Variants in CTDSPL observed in about 807,000 individuals in gnomAD.
CTDSPL encodes CTD small phosphatase-like protein.
Under a neutral mutation model 30.5 loss-of-function variants are expected in CTDSPL, and 8 were observed. The observed-to-expected ratio is 0.26, with a 90% CI of 0.15 to 0.47. The LOEUF (loss-of-function observed/expected upper bound fraction) is 0.47, where lower values mean the gene tolerates loss of function less well. CTDSPL is among the 20% of genes least tolerant of loss of function. The pLI is 0.99. For synonymous variants in CTDSPL, 110 were observed against 137.9 expected, an observed-to-expected ratio of 0.80 and a Z score of 1.42; for missense variants, 248 against 366.1, an observed-to-expected ratio of 0.68 and a Z score of 2.63.
At chr3:37,936,694 T>C (rs1698920281) in intron 1 of CTDSPL, among the ~76,000 whole-genome samples, 1 of 151,186 alleles carries the variant, frequency 6.6e-6, no homozygotes. Context: ...GTTTAGCTTA[T>C]TCCGTAATAA....
At chr3:37,933,017 G>A (rs180911606) in intron 1 of CTDSPL, among the ~76,000 whole-genome samples, 488 of 152,142 alleles carry the variant, frequency 3.2e-3, no homozygotes, top group Non-Finnish European at 5.9e-3. Context: ...GCCAGGCATG[G>A]TGGTGGGCAC....
At chr3:37,969,117 C>T (rs1699333454) in intron 5 of CTDSPL, among the ~76,000 whole-genome samples, 1 of 152,252 alleles carries the variant, frequency 6.6e-6, no homozygotes, top group Non-Finnish European at 1.5e-5. Flanking sequence ...GTTAAGGCTT[C>T]TGCATTTATC....
At chr3:37,946,787 G>A (rs1286599964) in intron 1 of CTDSPL, among the ~76,000 whole-genome samples, 1 of 152,182 alleles carries the variant, frequency 6.6e-6, no homozygotes, top group South Asian at 2.1e-4. Context: ...CAGTTAATAA[G>A]CAGGCAGCCC....
intron 1 of CTDSPL, among the ~76,000 whole-genome samples, chr3:37,880,830 T>C (rs973136192): frequency 2.0e-5 from 3 of 152,212 alleles, no homozygotes; most frequent in African/African-American, 7.2e-5. Context: ...GAGTTCTTAG[T>C]TGCAAACCAG....
chr3:37,939,126 C>G (rs1210432376), intron 1 of CTDSPL, among the ~76,000 whole-genome samples: 2 of 150,062 alleles, frequency 1.3e-5, no homozygotes. Flanking sequence ...TTGTGAGGAC[C>G]GTTGTCTGGA....
intron 1 of CTDSPL, among the ~76,000 whole-genome samples, chr3:37,938,689 T>TTC (rs397770070): frequency 6.8e-6 from 1 of 148,136 alleles, no homozygotes; most frequent in African/African-American, 2.5e-5. Flanking sequence ...GTTTTTTTTT[T>TTC]GTTTTTTTTG....
In CTDSPL at chr3:37,893,064, C is replaced by G. The variant is rs559350951; in HGVS notation, c.79+30786C>G. ...GAAAGGGAATTGGGACAAACATAGA[C>G]TGTTCCATTGTGCAGGCATGTGCCA... On this transcript the variant is annotated intron_variant, in intron 1 of 7. Transcript: ENST00000273179. Among the ~76,000 whole-genome samples the G allele has an allele frequency of 2.0e-5, 3 of 152,350 alleles. No homozygotes were observed. The South Asian group carries it at 6.2e-4, about 32-fold the overall frequency.
At chr3:37,880,081 A>G (rs900715300) in intron 1 of CTDSPL, among the ~76,000 whole-genome samples, 1 of 149,752 alleles carries the variant, frequency 6.7e-6, no homozygotes, top group Middle Eastern at 3.5e-3. Context: ...CATGGAAGCT[A>G]TCATGTTTTT....
At chr3:37,868,892 G>A (rs1270370422) in intron 1 of CTDSPL, among the ~76,000 whole-genome samples, 1 of 151,902 alleles carries the variant, frequency 6.6e-6, no homozygotes, top group Admixed American at 6.6e-5. Flanking sequence ...TTCTAGTTTT[G>A]TTGCCACATT....
intron 2 of CTDSPL, chr3:37,954,736 A>C (rs996887333): frequency 6.6e-5 from 10 of 152,280 alleles, no homozygotes; most frequent in African/African-American, 2.4e-4. Context: ...CATTGCCACC[A>C]TCACAGCCAC....
In CTDSPL at chr3:37,941,064, A is replaced by G. The variant is rs925366124; in HGVS notation, c.80-5993A>G. Among the ~76,000 whole-genome samples the G allele has an allele frequency of 5.3e-5, 8 of 150,366 alleles. 1 individual carries two copies. The highest frequency in any genetic ancestry group is 1.0e-4 in the Non-Finnish European group (7 of 67,024). On this transcript the variant is annotated intron_variant, in intron 1 of 7. Transcript: ENST00000273179. ...TGGGAGGGGCAAGGGAGAAATGTGT[A>G]TGAGTGGGAAACAGGGTCTTAATTT...
rs1232209114 is a variant in CTDSPL at position 37,888,097 on chromosome 3, C to G, written c.79+25819C>G. On this transcript the variant is annotated intron_variant, in intron 1 of 7. Transcript: ENST00000273179. ...GAGATGAAAGACATGGCAGCAGTTA[C>G]AGTCTTCATAAAGTTTGGGTCTGAA... Among the ~76,000 whole-genome samples, 3 of 152,260 alleles carry G rather than the reference C, an allele frequency of 2.0e-5. No homozygotes were observed. In the South Asian group the frequency reaches 6.2e-4, roughly 32 times the overall value.
At chr3:37,968,518 T>C (rs2125632374) in intron 5 of CTDSPL, 1 of 234,690 alleles carries the variant, frequency 4.3e-6, no homozygotes, top group South Asian at 4.5e-5. Context: ...AAATTGGGAA[T>C]GTTGTAGGAA....
In CTDSPL at chr3:37,874,968, A is replaced by G. The variant is rs527457547; in HGVS notation, c.79+12690A>G. On this transcript the variant is annotated intron_variant, in intron 1 of 7. Coordinates refer to ENST00000273179, the MANE Select transcript of CTDSPL (RefSeq NM_001008392.2). ...TTAAAGTTCAGTATTTTAATGACCT[A>G]TCTTTCTCTTAAAAATCCACTACCT... 6.3e-4 allele frequency among the ~76,000 whole-genome samples: 96 copies of G among 152,336 alleles called. 2 individuals carry two copies. The highest frequency in any genetic ancestry group is 6.2e-3 in the Admixed American group (95 of 15,308).
intron 1 of CTDSPL, among the ~76,000 whole-genome samples, chr3:37,878,064 G>T (rs1698158854): frequency 6.6e-6 from 1 of 152,144 alleles, no homozygotes; most frequent in African/African-American, 2.4e-5. Context: ...AGGGGTTTCA[G>T]TGTCTCCACA....
chr3:37,903,844 A>C (rs886109513), intron 1 of CTDSPL, among the ~76,000 whole-genome samples: 1 of 152,202 alleles, frequency 6.6e-6, no homozygotes, highest in Non-Finnish European at 1.5e-5. Context: ...CACTGTCAGG[A>C]CAGGGTTCCT....
intron 1 of CTDSPL, among the ~76,000 whole-genome samples, chr3:37,934,885 G>A (rs763166645): frequency 4.6e-5 from 7 of 152,088 alleles, no homozygotes; most frequent in Non-Finnish European, 8.8e-5. Flanking sequence ...TTATACCAAC[G>A]TGTTTCTAGG....
intron 1 of CTDSPL, among the ~76,000 whole-genome samples, chr3:37,867,608 C>T (rs915558884): frequency 1.3e-5 from 2 of 152,142 alleles, no homozygotes; most frequent in Non-Finnish European, 2.9e-5. Flanking sequence ...TCTCTGCATC[C>T]TCACCAGCAT....
At chr3:37,865,934 G>C (rs1698004316) in intron 1 of CTDSPL, among the ~76,000 whole-genome samples, 1 of 152,224 alleles carries the variant, frequency 6.6e-6, no homozygotes, top group Non-Finnish European at 1.5e-5. Flanking sequence ...ACCAGCCTTT[G>C]CTGTGGGAGG....
Sources: gnomAD v4.1 joint callset for allele counts (sites outside exome capture counted in the v4.1 genomes callset) on GRCh38, gnomAD v4.1.1 for gene constraint, MANE v1.5 for transcripts, NCBI Gene and HGNC (gene_info 2026-07-23, HGNC 2026-07-21) for gene names.